The following RYR3 variants were observed in gnomAD, a reference collection of about 807,000 sequenced individuals.
RYR3 encodes brain ryanodine receptor-calcium release channel.
In RYR3, 207 loss-of-function variants were observed where a neutral mutation model predicts 584.3. The observed-to-expected ratio is 0.35, with a 90% confidence interval of 0.32 to 0.40. The LOEUF (loss-of-function observed/expected upper bound fraction) is 0.40, where lower values mean the gene tolerates loss of function less well. Among genes scored for constraint, RYR3 ranks in the 10% least tolerant of loss-of-function variants. The probability of loss-of-function intolerance (pLI) is 1.00; values close to 1 mark genes in which losing one functional copy is unlikely to be tolerated. For synonymous variants in RYR3, 2,416 were observed against 2,248.5 expected (o/e 1.07, Z -2.11); for missense variants, 5,616 against 6,089.2 (o/e 0.92, Z 2.59).
intron 61 of RYR3, 37 bp from the exon 62 acceptor site, chr15:33,769,075 G>T (rs763317261): frequency 6.6e-7 from 1 of 1,511,190 alleles, no homozygotes; most frequent in South Asian, 1.1e-5. Context: ...CAGGCTGAGT[G>T]GTTTGAGGGA....
chr15:33,529,802 T>C (rs866973484), intron 3 of RYR3, among the ~76,000 whole-genome samples: 1 of 152,216 alleles, frequency 6.6e-6, no homozygotes, highest in African/African-American at 2.4e-5. Flanking sequence ...CCTCTAACTA[T>C]AATAAATTAC....
At chr15:33,821,142 T>C (rs1400418126) in intron 78 of RYR3, 128 bp from the exon 79 acceptor site, 3 of 690,038 alleles carry the variant, frequency 4.3e-6, no homozygotes, top group Non-Finnish European at 5.0e-6. Context: ...TTCAGAAGTC[T>C]GCTTTATCCA....
At chr15:33,736,960 A>G (rs1944886107) in intron 49 of RYR3, among the ~76,000 whole-genome samples, 1 of 152,114 alleles carries the variant, frequency 6.6e-6, no homozygotes, top group African/African-American at 2.4e-5. Flanking sequence ...GGGTTTCACC[A>G]TGTTGGCCAG....
intron 42 of RYR3, among the ~76,000 whole-genome samples, chr15:33,705,088 GCA>G (rs2066593359): frequency 1.6e-5 from 2 of 122,906 alleles, no homozygotes; most frequent in East Asian, 2.4e-4. Context: ...ACACACACAT[GCA>G]CACACACTCT....
chr15:33,597,461 A>G (rs1400674412), intron 16 of RYR3, among the ~76,000 whole-genome samples: 1 of 152,038 alleles, frequency 6.6e-6, no homozygotes, highest in Non-Finnish European at 1.5e-5. Flanking sequence ...CTAAAAATAC[A>G]AAAAATTAGC....
intron 1 of RYR3, among the ~76,000 whole-genome samples, chr15:33,419,649 C>T (rs968768532): frequency 2.6e-5 from 4 of 152,140 alleles, no homozygotes; most frequent in Non-Finnish European, 4.4e-5. Flanking sequence ...AAAATTCTCA[C>T]GTTTTAGGGG....
intron 85 of RYR3, among the ~76,000 whole-genome samples, chr15:33,828,826 T>A (rs2077510307): frequency 6.6e-6 from 1 of 152,190 alleles, no homozygotes; most frequent in African/African-American, 2.4e-5. Context: ...TCTAGGATAA[T>A]TGATGAAGGT....
intron 94 of RYR3, chr15:33,849,393 C>T (rs2078945348): frequency 1.3e-5 from 2 of 152,140 alleles, no homozygotes; most frequent in Admixed American, 1.3e-4. Context: ...CCTTCTCAGC[C>T]TTAGTTTCCT....
intron 12 of RYR3, among the ~76,000 whole-genome samples, chr15:33,578,679 A>G (rs1039920875): frequency 4.0e-5 from 6 of 151,710 alleles, no homozygotes; most frequent in African/African-American, 1.2e-4. Context: ...TACTTAGGTC[A>G]GGGGTTGTTA....
intron 1 of RYR3, among the ~76,000 whole-genome samples, chr15:33,421,398 C>G (rs1288341745): frequency 6.6e-6 from 1 of 152,054 alleles, no homozygotes; most frequent in Non-Finnish European, 1.5e-5. Flanking sequence ...GGTGAAAAAC[C>G]AAGGCCTGGA....
intron 12 of RYR3, 111 bp downstream of exon 12, chr15:33,566,910 C>T (rs2057747236): frequency 2.5e-6 from 3 of 1,218,524 alleles, no homozygotes; most frequent in South Asian, 2.7e-5. Flanking sequence ...TAATGATACA[C>T]CAGCAAAGAG....
At chr15:33,466,424 A>G (rs1032538602) in intron 1 of RYR3, among the ~76,000 whole-genome samples, 1 of 152,238 alleles carries the variant, frequency 6.6e-6, no homozygotes, top group African/African-American at 2.4e-5. Flanking sequence ...TTCATTTTTT[A>G]ACAACAAGTA....
intron 11 of RYR3, 57 bp downstream of exon 11, chr15:33,563,067 C>A: frequency 7.3e-7 from 1 of 1,370,954 alleles, no homozygotes; most frequent in Non-Finnish European, 1.0e-6. Flanking sequence ...AGCAACTAGG[C>A]AATAGAAGTG....
At position 33,758,680 on chromosome 15, in the gene RYR3, C is replaced by T. The variant is rs534289058; in HGVS notation, c.8705+1084C>T. Among the ~76,000 whole-genome samples, 9 of 152,336 alleles carry T rather than the reference C, an allele frequency of 5.9e-5. No homozygotes were observed. The East Asian group carries it at 1.5e-3, about 26-fold the overall frequency. ...AGACAAAACTCCCATATCCCTGGGA[C>T]AGAGCACCTGGGGGAAGGGGCGGCT... On this transcript the variant is annotated intron_variant, in intron 60 of 103. Transcript: ENST00000634891.
chr15:33,464,629 T>C (rs971048819), intron 1 of RYR3, among the ~76,000 whole-genome samples: 3 of 151,022 alleles, frequency 2.0e-5, no homozygotes, highest in Non-Finnish European at 4.4e-5. Context: ...ATTTAATTGA[T>C]ATATTTTTAT....
intron 38 of RYR3, among the ~76,000 whole-genome samples, chr15:33,693,397 G>C (rs572186398): frequency 5.8e-4 from 88 of 152,306 alleles, no homozygotes; most frequent in African/African-American, 2.0e-3. Flanking sequence ...TGGCCTCCTG[G>C]GGCCTCCTAG....
At chr15:33,727,800 G>T (rs767266681) in intron 46 of RYR3, among the ~76,000 whole-genome samples, 4 of 152,150 alleles carry the variant, frequency 2.6e-5, no homozygotes, top group Non-Finnish European at 5.9e-5. Flanking sequence ...TGGCTATAGC[G>T]TGCTCATTTG....
At chr15:33,834,530 C>T (rs2077914712) in intron 86 of RYR3, among the ~76,000 whole-genome samples, 1 of 149,750 alleles carries the variant, frequency 6.7e-6, no homozygotes. Context: ...GCATGTGTAA[C>T]TTTGCCTGGA....
At chr15:33,841,714 G>T in intron 90 of RYR3, 150 bp from the exon 91 acceptor site, 1 of 683,262 alleles carries the variant, frequency 1.5e-6, no homozygotes, top group Non-Finnish European at 2.4e-6. Context: ...TCCAGCCACT[G>T]TGGATTGATA....
Sources: gnomAD v4.1 joint callset for allele counts (sites outside exome capture counted in the v4.1 genomes callset) on GRCh38, gnomAD v4.1.1 for gene constraint, MANE v1.5 for transcripts, NCBI Gene and HGNC (gene_info 2026-07-23, HGNC 2026-07-21) for gene names.